The following SNTG1 variants were observed in gnomAD, a reference collection of about 807,000 sequenced individuals.
SNTG1 encodes gamma-1-syntrophin.
SNTG1 carries 39 observed loss-of-function variants against 74.7 expected under a neutral mutation model. The ratio of observed to expected loss-of-function variants is 0.52; its 90% CI spans 0.40 to 0.68. The LOEUF (loss-of-function observed/expected upper bound fraction) is 0.68. Ranked by LOEUF, SNTG1 falls within the 30% of genes least tolerant of loss-of-function variation. The pLI is 0.00. For missense variants in SNTG1, 685 were observed against 609.5 expected (o/e 1.12, Z -1.30); for synonymous variants, 254 against 217.1 (o/e 1.17, Z -1.49).
intron 8 of SNTG1, among the ~76,000 whole-genome samples, chr8:50,475,315 C>T (rs770828104): frequency 3.3e-5 from 5 of 151,950 alleles, no homozygotes; most frequent in Non-Finnish European, 5.9e-5. Flanking sequence ...TGTAGTTTCT[C>T]ACAATTAAAA....
intron 2 of SNTG1, among the ~76,000 whole-genome samples, chr8:50,228,060 A>G (rs2085430662): frequency 6.6e-6 from 1 of 151,920 alleles, no homozygotes; most frequent in Admixed American, 6.6e-5. Flanking sequence ...AGTTATGTTT[A>G]ATATGGAACA....
At chr8:50,661,521 A>G (rs570177303) in intron 15 of SNTG1, among the ~76,000 whole-genome samples, 1 of 152,292 alleles carries the variant, frequency 6.6e-6, no homozygotes, top group South Asian at 2.1e-4. Flanking sequence ...ACAATTTTCT[A>G]TAAGCCTTAG....
chr8:50,159,908 C>A (rs2082363945), intron 1 of SNTG1, among the ~76,000 whole-genome samples: 1 of 152,120 alleles, frequency 6.6e-6, no homozygotes, highest in Non-Finnish European at 1.5e-5. Flanking sequence ...AGAAATTAAA[C>A]CAAGTTCTTC....
At chr8:50,658,860 T>C (rs2131279119) in intron 15 of SNTG1, among the ~76,000 whole-genome samples, 197 bp downstream of exon 15, 1 of 152,300 alleles carries the variant, frequency 6.6e-6, no homozygotes, top group East Asian at 1.9e-4. Flanking sequence ...GGCACTCAGC[T>C]ATCTGCTTAA....
At chr8:50,670,293 C>T (rs1462591761) in intron 15 of SNTG1, among the ~76,000 whole-genome samples, 1 of 152,042 alleles carries the variant, frequency 6.6e-6, no homozygotes, top group African/African-American at 2.4e-5. Context: ...CTAGAAAACC[C>T]CATTGTCTCA....
At chr8:50,637,917 G>A (rs971452410) in intron 13 of SNTG1, among the ~76,000 whole-genome samples, 3 of 151,824 alleles carry the variant, frequency 2.0e-5, no homozygotes, top group Non-Finnish European at 1.5e-5. Context: ...CAAATATTAA[G>A]GTTAAGTTTT....
In SNTG1 at chr8:50,705,315, T is replaced by A. The variant is rs548395211; in HGVS notation, c.1191+563T>A. ...TCTCACTTTTGAACACAATATAATG[T>A]ACTTTTCTGGTTTTTTTACAGATAA... On this transcript the variant is annotated intron_variant, in intron 16 of 18. Coordinates refer to ENST00000642720, the MANE Select transcript of SNTG1 (RefSeq NM_018967.5). 2.0e-4 allele frequency among the ~76,000 whole-genome samples: 30 copies of A among 152,334 alleles called. No individual in the cohort carries two copies. In the East Asian group the frequency reaches 4.6e-3, roughly 24 times the overall value.
chr8:50,421,311 T>G (rs573669901), intron 4 of SNTG1, among the ~76,000 whole-genome samples: 115 of 152,270 alleles, frequency 7.6e-4, no homozygotes, highest in Non-Finnish European at 1.2e-3. Context: ...GGCCCATATT[T>G]ATGGTTATTT....
At chr8:50,113,023 G>T (rs558768097) in intron 1 of SNTG1, among the ~76,000 whole-genome samples, 1 of 152,130 alleles carries the variant, frequency 6.6e-6, no homozygotes, top group Non-Finnish European at 1.5e-5. Context: ...AAGTCAGGTA[G>T]CATGATGCCT....
chr8:50,385,977 A>G (rs1399157738), intron 2 of SNTG1, among the ~76,000 whole-genome samples: 1 of 152,182 alleles, frequency 6.6e-6, no homozygotes, highest in African/African-American at 2.4e-5. Context: ...CCTCGATGAT[A>G]GTAATAAAGT....
At chr8:50,768,484 GA>G (rs1176118194) in intron 18 of SNTG1, among the ~76,000 whole-genome samples, 9 of 152,130 alleles carry the variant, frequency 5.9e-5, no homozygotes, top group South Asian at 2.1e-4. Flanking sequence ...TAATCTAAAT[GA>G]ATCCCTGTTT....
At chr8:50,391,779 T>G (rs534017071) in intron 2 of SNTG1, among the ~76,000 whole-genome samples, 6 of 152,276 alleles carry the variant, frequency 3.9e-5, no homozygotes, top group Non-Finnish European at 8.8e-5. Flanking sequence ...AGACTCAACT[T>G]CTTTCTGGTT....
In SNTG1 at chr8:49,980,521, C is replaced by CAAAAAAAAAAAAAAA. The variant is rs565561398; in HGVS notation, c.-103+68306_-103+68320dup. Among the ~76,000 whole-genome samples the CAAAAAAAAAAAAAAA allele has an allele frequency of 1.9e-4, 10 of 53,828 alleles. 2 individuals carry two copies. The highest frequency in any genetic ancestry group is 5.9e-4 in the African/African-American group (8 of 13,594). The allele number at this position is 53,828 out of a possible 152,430, so 35.3% of individuals were successfully genotyped here. On this transcript the variant is annotated intron_variant, in intron 1 of 18. Transcript: ENST00000642720. The stretch of plus-strand genomic sequence containing the variant: ...ACATCCCTTCCTGTAGACTCCTTCG[C>CAAAAAAAAAAAAAAA]AAAAAAAAAAAAAAAAAAAAAAAAA...
intron 1 of SNTG1, among the ~76,000 whole-genome samples, chr8:49,974,995 G>C (rs1812058341): frequency 6.6e-6 from 1 of 152,054 alleles, no homozygotes; most frequent in South Asian, 2.1e-4. Context: ...GGTCCAGGCA[G>C]GGTCCATGGA....
intron 2 of SNTG1, among the ~76,000 whole-genome samples, chr8:50,363,539 C>T (rs1047615226): frequency 3.3e-5 from 5 of 151,998 alleles, no homozygotes; most frequent in Non-Finnish European, 7.4e-5. Flanking sequence ...TGTGTAATAA[C>T]TTTTAGATCC....
intron 17 of SNTG1, among the ~76,000 whole-genome samples, chr8:50,727,676 C>G (rs781245512): frequency 1.3e-5 from 2 of 152,146 alleles, no homozygotes; most frequent in Non-Finnish European, 2.9e-5. Context: ...ATCCCCTCCT[C>G]CACTCCTCAT....
rs142176592 is a variant in SNTG1, at chr8:50,601,576, G to A, written c.849+10659G>A. On this transcript the variant is annotated intron_variant, in intron 13 of 18. Coordinates refer to ENST00000642720, the MANE Select transcript of SNTG1 (RefSeq NM_018967.5). ...TCCTTTAGAATAATCTATGTGCTGA[G>A]GAGAAGAATGTTTATTCTGAAGCTG... Among the ~76,000 whole-genome samples the A allele has an allele frequency of 5.3e-5, 8 of 152,262 alleles. No individual in the cohort carries two copies. The East Asian group carries it at 1.5e-3, about 29-fold the overall frequency.
intron 1 of SNTG1, among the ~76,000 whole-genome samples, chr8:50,037,374 C>A (rs1818255241): frequency 6.6e-6 from 1 of 152,116 alleles, no homozygotes; most frequent in African/African-American, 2.4e-5. Context: ...ATTCTGCATT[C>A]TAACCAGCTC....
At chr8:50,667,968 C>T (rs1347252996) in intron 15 of SNTG1, among the ~76,000 whole-genome samples, 1 of 151,946 alleles carries the variant, frequency 6.6e-6, no homozygotes, top group Non-Finnish European at 1.5e-5. Flanking sequence ...AAAAACGTTA[C>T]AGGCCGTGCA....
Sources: allele counts gnomAD v4.1 joint callset (sites outside exome capture counted in the v4.1 genomes callset), GRCh38; gene constraint gnomAD v4.1.1; transcripts MANE v1.5; gene names NCBI Gene and HGNC (gene_info 2026-07-23, HGNC 2026-07-21).